ZNF768: variants seen among roughly 807,000 people sequenced by gnomAD.
The protein encoded by ZNF768 is zinc finger protein 768.
In ZNF768, 12 loss-of-function variants were observed where a neutral mutation model predicts 39.7. The observed-to-expected ratio is 0.30, with a 90% confidence interval of 0.19 to 0.49. ZNF768 has a LOEUF of 0.49. Ranked by LOEUF, ZNF768 falls within the 20% of genes least tolerant of loss-of-function variation. The pLI, the probability that ZNF768 is intolerant of heterozygous loss-of-function variation, is 0.99. For missense variants in ZNF768, 613 were observed against 723.2 expected, an observed-to-expected ratio of 0.85 and a Z score of 1.75; for synonymous variants, 360 against 288.4, an observed-to-expected ratio of 1.25 and a Z score of -2.52.
the ZNF768 span, chr16:30,532,303 G>C: frequency 1.5e-6 from 1 of 649,980 alleles, no homozygotes; most frequent in East Asian, 2.7e-5. Context: ...AGCAAAGGGG[G>C]CCTTGGAGAG....
Position 30,526,333 on chromosome 16 carries a change from G to A in ZNF768, c.81C>T (p.Tyr27=), listed in dbSNP as rs2051323263. ...SSDEMRSPEG[Y]LRGNMSENEE... Reference sequence around the variant, plus strand: ...CGGGCGCTCCCTCCTCACCTCTGAGGTACCCTTCGGGGCTCCTCATTTCGT... The same window carrying A: ...CGGGCGCTCCCTCCTCACCTCTGAGATACCCTTCGGGGCTCCTCATTTCGT... Residue 27 remains tyrosine, a synonymous_variant, in exon 1 of 2, where the codon TAC becomes TAT. Transcript: ENST00000380412. 10 of 1,608,998 alleles carry A rather than the reference G, an allele frequency of 6.2e-6. No homozygotes were observed. The South Asian group carries it at 7.7e-5, about 12-fold the overall frequency.
Position 30,524,980 on chromosome 16 carries a change from G to A in ZNF768, c.1160C>T (p.Ser387Phe), listed in dbSNP as rs2051307582. Residue 387 changes from serine to phenylalanine, a missense_variant, in exon 2 of 2, where the codon TCC (serine) becomes TTC (phenylalanine). Physicochemically the swap from Ser to Phe is radical, Grantham distance 155. Around this residue, in one of 4 missense-constraint regions of ZNF768, gnomAD observed 204 missense variants for 281.7 expected, o/e 0.72. Transcript: ENST00000380412. Reference sequence around the variant, plus strand: ...GTGCACCCTCTGATGGCTGCGCAGGGACGAGTTCTGGCTATAGCACTTGCC... The same window carrying A: ...GTGCACCCTCTGATGGCTGCGCAGGAACGAGTTCTGGCTATAGCACTTGCC... ...ECGKCYSQNS[S>F]LRSHQRVHTG... 6 of 1,613,850 alleles carry A rather than the reference G, an allele frequency of 3.7e-6. No individual in the cohort carries two copies. Among genetic ancestry groups the A allele is most frequent in the Non-Finnish European group, 5.1e-6 (6 of 1,179,952 alleles).
chr16:30,526,409 T>G lies in ZNF768; in HGVS notation c.5A>C (p.Glu2Ala). The change falls in exon 1 of 2, where the codon GAG (glutamate) becomes GCG (alanine). Residue 2 changes from glutamate to alanine, a missense_variant. By Grantham distance (107) the Glu-to-Ala change is moderately radical. Coordinates refer to ENST00000380412, the MANE Select transcript of ZNF768 (RefSeq NM_024671.4). ...GAGGCCCCACGGCAACGCCTCCCGCTCCATCCCCGCGGGCTCCCAGTGCAG... is the reference window on the plus strand; with the variant it reads ...GAGGCCCCACGGCAACGCCTCCCGCGCCATCCCCGCGGGCTCCCAGTGCAG... M[E>A]REALPWGLEP... 1 of 1,583,824 alleles carries G rather than the reference T, an allele frequency of 6.3e-7. No homozygotes were observed. The highest frequency in any genetic ancestry group is 8.6e-7 in the Non-Finnish European group (1 of 1,167,604).
rs185407031 is a variant in ZNF768, at chr16:30,525,416, G to A, written c.724C>T (p.Leu242Phe). The A allele has an allele frequency of 4.2e-4, 679 of 1,614,150 alleles. 1 individual carries two copies. Among genetic ancestry groups the A allele is most frequent in the Middle Eastern group, 1.8e-3 (11 of 6,060 alleles). The change falls in exon 2 of 2, where the codon CTT (leucine) becomes TTT (phenylalanine). Residue 242 changes from leucine to phenylalanine, a missense_variant. By Grantham distance (22) the Leu-to-Phe change is conservative. Coordinates refer to ENST00000380412, the MANE Select transcript of ZNF768 (RefSeq NM_024671.4). ...LQNPLGLTGA[L>F]RGPGRRGGRA... ...CCACCCCGCCGACCTGGACCTCGAA[G>A]GGCTCCTGTGAGACCCAGGGGATTC...
chr16:30,531,679 A>C (rs1295106427), upstream of ZNF768: 1 of 152,240 alleles, frequency 6.6e-6, no homozygotes, highest in Non-Finnish European at 1.5e-5. Flanking sequence ...AGTCACAGCC[A>C]TCTGAGAGGC....
At chr16:30,527,406 G>A (rs1467748349), upstream of ZNF768, 2 of 825,504 alleles carry the variant, frequency 2.4e-6, no homozygotes, top group African/African-American at 1.8e-5. Flanking sequence ...CAGCTTCTCC[G>A]CCCCAGGAAG....
chr16:30,525,961 G>A lies in ZNF768; in HGVS notation c.179C>T (p.Pro60Leu). 6.6e-7 allele frequency: 1 copy of A among 1,509,532 alleles called. No individual in the cohort carries two copies. Among genetic ancestry groups the A allele is most frequent in the Non-Finnish European group, 8.8e-7 (1 of 1,131,890 alleles). The allele number at this position is 1,509,532 out of a possible 1,614,324, so 93.5% of individuals were successfully genotyped here. The change falls in exon 2 of 2, where the codon CCC (proline) becomes CTC (leucine). Residue 60 changes from proline to leucine, a missense_variant. By Grantham distance (98) the Pro-to-Leu change is moderately conservative. This residue lies in a region of ZNF768 where 347 missense variants were observed against 326.1 expected (regional missense o/e 1.06). Coordinates refer to ENST00000380412, the MANE Select transcript of ZNF768 (RefSeq NM_024671.4). ...EVEEIPFGLE[P>L]QSPGFEPQSP... ...TTGTGGCTCAAACCCAGGGCTCTGG[G>A]GTTCAAGCCCAAATGGTATCTCTTC... is the stretch of plus-strand genomic sequence containing the variant.
chr16:30,529,426 A>G (rs1442660671), upstream of ZNF768, among the ~76,000 whole-genome samples: 1 of 152,244 alleles, frequency 6.6e-6, no homozygotes, highest in Non-Finnish European at 1.5e-5. Flanking sequence ...AACCTGGCCA[A>G]CACTGCAGGC....
upstream of ZNF768, chr16:30,526,837 G>C (rs1415751350): frequency 3.0e-6 from 2 of 659,658 alleles, no homozygotes; most frequent in Non-Finnish European, 3.7e-6. Flanking sequence ...TCCGCGGCCA[G>C]GTCCCCCCGC....
the ZNF768 span, chr16:30,532,464 C>T: frequency 1.5e-3 from 2,378 of 1,570,690 alleles, 1 homozygote; most frequent in Non-Finnish European, 1.9e-3. Context: ...CATCTCGGGC[C>T]GCCCACAATG....
upstream of ZNF768, chr16:30,527,127 G>A (rs1189019150): frequency 2.0e-6 from 2 of 985,172 alleles, no homozygotes; most frequent in Non-Finnish European, 2.4e-6. Context: ...CGGCGCCAGC[G>A]GGGGCGGTGT....
At position 30,524,579 on chromosome 16, in the gene ZNF768, C is replaced by T; in HGVS notation, c.1561G>A (p.Ala521Thr). 1.2e-6 allele frequency: 2 copies of T among 1,612,496 alleles called. No homozygotes were observed. Among genetic ancestry groups the T allele is most frequent in the South Asian group, 1.1e-5 (1 of 91,046 alleles). ...RPYKCDDCGK[A>T]FSQSSDLIRH... is the part of the protein sequence containing the mutation. Reference sequence around the variant, plus strand: ...ATGAGGTCGGAGCTCTGGGAGAAGGCCTTTCCGCAGTCATCGCACTTGTAA... The same window carrying T: ...ATGAGGTCGGAGCTCTGGGAGAAGGTCTTTCCGCAGTCATCGCACTTGTAA... Residue 521 changes from alanine (A) to threonine (T), a missense_variant, in exon 2 of 2, where the codon GCC becomes ACC. Around this residue, in one of 4 missense-constraint regions of ZNF768, gnomAD observed 204 missense variants for 281.7 expected, o/e 0.72. Coordinates refer to ENST00000380412, the MANE Select transcript of ZNF768 (RefSeq NM_024671.4).
intron 1 of ZNF768, 68 bp from the exon 2 acceptor site, chr16:30,526,119 C>T: frequency 3.3e-6 from 5 of 1,494,234 alleles, no homozygotes; most frequent in African/African-American, 2.9e-5. Context: ...CAACCACACA[C>T]CTCCCACCTC....
Position 30,524,949 on chromosome 16 carries a change from A to C in ZNF768, c.1191T>G (p.Gly397=). ...SLRSHQRVHT[G]QRPFSCGICG... The stretch of plus-strand genomic sequence containing the variant: ...AGATGCCACAGCTGAAGGGCCTCTG[A>C]CCGGTGTGCACCCTCTGATGGCTGC... The change falls in exon 2 of 2, where the codon GGT becomes GGG. Residue 397 remains glycine (G), a synonymous_variant. Coordinates refer to ENST00000380412, the MANE Select transcript of ZNF768 (RefSeq NM_024671.4). The C allele has an allele frequency of 6.2e-7, 1 of 1,610,446 alleles. No homozygotes were observed. Among genetic ancestry groups the C allele is most frequent in the Non-Finnish European group, 8.5e-7 (1 of 1,179,058 alleles).
rs766006975 is a variant in ZNF768 at position 30,524,901 on chromosome 16, C to T, written c.1239G>A (p.Arg413=). ...CGICGKSFSQ[R]SALIPHARSH... Reference sequence around the variant, plus strand: ...TGCGGGCATGGGGGATAAGGGCCGACCGCTGGGAGAAGCTCTTGCCGCAGA... The same window carrying T: ...TGCGGGCATGGGGGATAAGGGCCGATCGCTGGGAGAAGCTCTTGCCGCAGA... Residue 413 remains arginine, a synonymous_variant, in exon 2 of 2, where the codon CGG becomes CGA. Transcript: ENST00000380412. 1.2e-6 allele frequency: 2 copies of T among 1,612,762 alleles called. No homozygotes were observed. Among genetic ancestry groups the T allele is most frequent in the Non-Finnish European group, 1.7e-6 (2 of 1,179,838 alleles).
At position 30,524,466 on chromosome 16, in the gene ZNF768, C is replaced by T. The variant is rs1469452848; in HGVS notation, c.*51G>A. 1.3e-6 allele frequency: 2 copies of T among 1,558,514 alleles called. No homozygotes were observed. The highest frequency in any genetic ancestry group is 1.4e-5 in the African/African-American group (1 of 73,706). On this transcript the variant is annotated 3_prime_UTR_variant, in exon 2 of 2. Transcript: ENST00000380412. ...TCCTCCCTAAAGGTTCCTCTAGCTC[C>T]CTGGCCCCTTATCTTCTGCCCACAC...
chr16:30,525,398 G>A lies in ZNF768; in HGVS notation c.742C>T (p.Arg248Trp), dbSNP rs2051312200. 1.2e-6 allele frequency: 2 copies of A among 1,614,082 alleles called. No homozygotes were observed. Among genetic ancestry groups the A allele is most frequent in the Non-Finnish European group, 1.7e-6 (2 of 1,180,016 alleles). Reference sequence around the variant, plus strand: ...TGCCCACCCCTGGCCCGGCCACCCCGCCGACCTGGACCTCGAAGGGCTCCT... The same window carrying A: ...TGCCCACCCCTGGCCCGGCCACCCCACCGACCTGGACCTCGAAGGGCTCCT... ...LTGALRGPGR[R>W]GGRARGGQGP... is the part of the protein sequence containing the mutation. Residue 248 changes from arginine (R) to tryptophan (W), a missense_variant, in exon 2 of 2, where the codon CGG becomes TGG. Physicochemically the swap from Arg to Trp is moderately radical, Grantham distance 101. Around this residue, in one of 4 missense-constraint regions of ZNF768, gnomAD observed 347 missense variants for 326.1 expected, o/e 1.06. Transcript: ENST00000380412.
At chr16:30,528,889 C>T (rs1301831031), upstream of ZNF768, among the ~76,000 whole-genome samples, 5 of 152,212 alleles carry the variant, frequency 3.3e-5, no homozygotes, top group Admixed American at 3.3e-4. Context: ...AAAATTCACA[C>T]AGGAGAGCAG....
In ZNF768 at chr16:30,525,853, G is replaced by A. The variant is rs1555509735; in HGVS notation, c.287C>T (p.Pro96Leu). 1 of 1,525,646 alleles carries A rather than the reference G, an allele frequency of 6.6e-7. No homozygotes were observed. The highest frequency in any genetic ancestry group is 8.8e-7 in the Non-Finnish European group (1 of 1,141,356). The allele number at this position is 1,525,646 out of a possible 1,614,324, so 94.5% of individuals were successfully genotyped here. A position where few individuals can be genotyped will look rare whatever the true frequency, so the allele number is the denominator to read the frequency against. The change falls in exon 2 of 2, where the codon CCA becomes CTA. Residue 96 changes from proline (P) to leucine (L), a missense_variant. Coordinates refer to ENST00000380412, the MANE Select transcript of ZNF768 (RefSeq NM_024671.4). ...FESRSPGLVP[P>L]SPEFAPRSPE... The stretch of plus-strand genomic sequence containing the variant: ...GCTTCTGGGTGCAAACTCAGGGCTT[G>A]GGGGCACAAGCCCAGGGCTTCGGGA...
Sources: gnomAD v4.1 joint callset for allele counts (sites outside exome capture counted in the v4.1 genomes callset) on GRCh38, gnomAD v4.1.1 for gene constraint, gnomAD v4.1.1 regional missense constraint, MANE v1.5 for transcripts, NCBI Gene and HGNC (gene_info 2026-07-23, HGNC 2026-07-21) for gene names.